The following GMDS variants were observed in gnomAD, a reference collection of about 807,000 sequenced individuals.
The protein encoded by GMDS is GDP-mannose 4,6-dehydratase, also known as GDP-mannose 4,6 dehydratase.
A neutral mutation model predicts 49.9 loss-of-function variants in GMDS; 20 were observed. The ratio of observed to expected loss-of-function variants is 0.40; its 90% CI spans 0.28 to 0.58. The LOEUF is 0.58. Among genes scored for constraint, GMDS ranks in the 20% least tolerant of loss-of-function variants. The pLI, the probability that GMDS is intolerant of heterozygous loss-of-function variation, is 0.42. For synonymous variants in GMDS, 177 were observed against 178.6 expected, an observed-to-expected ratio of 0.99 and a Z score of 0.07; for missense variants, 362 against 481.4, an observed-to-expected ratio of 0.75 and a Z score of 2.32.
intron 9 of GMDS, among the ~76,000 whole-genome samples, chr6:1,699,415 GCTGGAGCCAGTCCAGC>G (rs547773515): frequency 3.3e-5 from 5 of 151,978 alleles, no homozygotes; most frequent in Non-Finnish European, 7.4e-5. Context: ...GAGGGGAGAG[GCTGGAGCCAGTCCAGC>G]CTAACACATT....
intron 4 of GMDS, among the ~76,000 whole-genome samples, chr6:2,110,136 G>C (rs1312944934): frequency 1.3e-5 from 2 of 152,106 alleles, no homozygotes; most frequent in East Asian, 3.9e-4. Context: ...TCTATAATTG[G>C]GTTAGCCAGG....
chr6:1,861,284 T>C (rs1483442430), intron 7 of GMDS, among the ~76,000 whole-genome samples: 2 of 152,170 alleles, frequency 1.3e-5, no homozygotes, highest in Non-Finnish European at 2.9e-5. Context: ...AGGATACATG[T>C]GTATAAAATG....
At chr6:2,154,924 T>C (rs1034626438) in intron 1 of GMDS, among the ~76,000 whole-genome samples, 12 of 145,136 alleles carry the variant, frequency 8.3e-5, no homozygotes, top group Middle Eastern at 3.6e-3. Flanking sequence ...ATATAAAAAG[T>C]TGAACAATAT....
intron 4 of GMDS, among the ~76,000 whole-genome samples, chr6:2,023,476 C>T (rs933450592): frequency 1.3e-5 from 2 of 152,228 alleles, no homozygotes; most frequent in African/African-American, 4.8e-5. Flanking sequence ...GTGAGACCCC[C>T]TTCAGGGGCC....
chr6:2,175,763 CAAT>C (rs1178205431), intron 1 of GMDS, among the ~76,000 whole-genome samples: 2 of 152,164 alleles, frequency 1.3e-5, no homozygotes, highest in Admixed American at 6.5e-5. Flanking sequence ...TTTCTATTAA[CAAT>C]AAGAGTAATT....
intron 1 of GMDS, among the ~76,000 whole-genome samples, chr6:2,210,952 A>T (rs1328361761): frequency 6.6e-6 from 1 of 152,132 alleles, no homozygotes; most frequent in Non-Finnish European, 1.5e-5. Flanking sequence ...CTGATGGTTT[A>T]AAAGTGTGTG....
intron 4 of GMDS, among the ~76,000 whole-genome samples, chr6:2,078,399 A>C (rs1024893353): frequency 6.6e-6 from 1 of 152,028 alleles, no homozygotes; most frequent in Non-Finnish European, 1.5e-5. Flanking sequence ...TGATGTGGGC[A>C]TTTATTGCTA....
chr6:1,999,998 ATATATATATATTTTT>A (rs1766654330), intron 4 of GMDS, among the ~76,000 whole-genome samples: 2 of 10,890 alleles, frequency 1.8e-4, no homozygotes, highest in African/African-American at 2.4e-4. Context: ...TATATATATT[ATATATATATATTTTT>A]TATATATATA....
chr6:1,755,443 T>C (rs1282705894), intron 7 of GMDS, among the ~76,000 whole-genome samples: 4 of 152,186 alleles, frequency 2.6e-5, no homozygotes, highest in Admixed American at 2.6e-4. Context: ...AAAATGGACA[T>C]ACTGCCCAAA....
intron 7 of GMDS, among the ~76,000 whole-genome samples, chr6:1,856,895 A>T (rs987686042): frequency 6.6e-6 from 1 of 152,176 alleles, no homozygotes; most frequent in Non-Finnish European, 1.5e-5. Flanking sequence ...ACTGAGAGAG[A>T]GGGCAAAAAT....
intron 1 of GMDS, among the ~76,000 whole-genome samples, chr6:2,222,562 CA>C (rs1178877836): frequency 2.0e-5 from 3 of 152,194 alleles, no homozygotes; most frequent in Non-Finnish European, 4.4e-5. Flanking sequence ...AGAATACTCA[CA>C]GCAAAGGGGG....
At position 2,169,530 on chromosome 6, in the gene GMDS, C is replaced by G. The variant is rs764643265; in HGVS notation, c.103-44799G>C. ...GGCTGGAGCTGGAGAATCGATTGAA[C>G]CAAGGATGCAGAGGTTGCAGTGAGC... On this transcript the variant is annotated intron_variant, in intron 1 of 10. Transcript: ENST00000380815. Among the ~76,000 whole-genome samples the G allele has an allele frequency of 4.6e-5, 7 of 150,942 alleles. No individual in the cohort carries two copies. In the South Asian group the frequency reaches 1.5e-3, roughly 32 times the overall value.
intron 7 of GMDS, among the ~76,000 whole-genome samples, chr6:1,770,382 C>T (rs1211421424): frequency 6.6e-6 from 1 of 152,234 alleles, no homozygotes; most frequent in Admixed American, 6.5e-5. Flanking sequence ...GCGTAAGGCA[C>T]TGTACGTAAA....
intron 9 of GMDS, among the ~76,000 whole-genome samples, chr6:1,719,729 C>T (rs1192004549): frequency 6.6e-6 from 1 of 152,078 alleles, no homozygotes; most frequent in Non-Finnish European, 1.5e-5. Flanking sequence ...ACGAATGGAT[C>T]TCTCATAAGT....
intron 1 of GMDS, among the ~76,000 whole-genome samples, chr6:2,209,570 T>TACACACACACACACAA (rs1779969930): frequency 7.4e-6 from 1 of 135,880 alleles, no homozygotes; most frequent in Admixed American, 7.2e-5. Flanking sequence ...CACATACACA[T>TACACACACACACACAA]ACACACACAC....
At position 2,037,795 on chromosome 6, in the gene GMDS, T is replaced by C. The variant is rs73716924; in HGVS notation, c.346-76829A>G. Among the ~76,000 whole-genome samples, 656 of 152,192 alleles carry C rather than the reference T, an allele frequency of 4.3e-3. 9 individuals are homozygous for C. Among genetic ancestry groups the C allele is most frequent in the African/African-American group, 0.015 (633 of 41,532 alleles). ...CCTTAGCACTAAGGTCTCAAAGGTG[T>C]TGGCAACCTGCACATGGTTTCTAAA... is the stretch of plus-strand genomic sequence containing the variant. On this transcript the variant is annotated intron_variant, in intron 4 of 10. Transcript: ENST00000380815.
intron 1 of GMDS, among the ~76,000 whole-genome samples, chr6:2,241,425 G>A (rs1349358087): frequency 1.3e-5 from 2 of 152,190 alleles, no homozygotes; most frequent in African/African-American, 4.8e-5. Context: ...ATGTGAGAAG[G>A]ATGAGATCTG....
At chr6:1,788,981 C>T (rs1769421786) in intron 7 of GMDS, among the ~76,000 whole-genome samples, 2 of 152,160 alleles carry the variant, frequency 1.3e-5, no homozygotes, top group Admixed American at 1.3e-4. Context: ...AGGTCACCTG[C>T]ACTTATAACC....
intron 4 of GMDS, among the ~76,000 whole-genome samples, chr6:1,996,510 A>G (rs1352944826): frequency 6.6e-6 from 1 of 152,244 alleles, no homozygotes; most frequent in African/African-American, 2.4e-5. Context: ...TTTCACTTAC[A>G]TAAGTCTGCT....
Sources: gnomAD v4.1 joint callset for allele counts (sites outside exome capture counted in the v4.1 genomes callset) on GRCh38, gnomAD v4.1.1 for gene constraint, MANE v1.5 for transcripts, NCBI Gene and HGNC (gene_info 2026-07-23, HGNC 2026-07-21) for gene names.